RAB8B: variants seen among roughly 807,000 people sequenced by gnomAD.
RAB8B encodes the protein ras-related protein Rab-8B.
Under a neutral mutation model 32.0 loss-of-function variants are expected in RAB8B, and 11 were observed. The ratio of observed to expected loss-of-function variants is 0.34; its 90% CI spans 0.22 to 0.57. The LOEUF (loss-of-function observed/expected upper bound fraction) is 0.57. RAB8B is among the 20% of genes least tolerant of loss of function. The pLI is 0.86. For synonymous variants in RAB8B, 103 were observed against 89.6 expected, an observed-to-expected ratio of 1.15 and a Z score of -0.85; for missense variants, 190 against 258.5, an observed-to-expected ratio of 0.73 and a Z score of 1.82.
chr15:63,225,975 C>T (rs978548741), intron 1 of RAB8B, among the ~76,000 whole-genome samples: 3 of 151,948 alleles, frequency 2.0e-5, no homozygotes, highest in African/African-American at 7.3e-5. Context: ...TCAGTAGCTG[C>T]GACTACAGGT....
At position 63,248,280 on chromosome 15, in the gene RAB8B, G is replaced by A. The variant is rs1208110138; in HGVS notation, c.186-1365G>A. 1.3e-5 allele frequency among the ~76,000 whole-genome samples: 2 copies of A among 152,192 alleles called. No individual in the cohort carries two copies. Among genetic ancestry groups the A allele is most frequent in the South Asian group, 2.1e-4 (1 of 4,832 alleles). On this transcript the variant is annotated intron_variant, in intron 2 of 7. Coordinates refer to ENST00000321437, the MANE Select transcript of RAB8B (RefSeq NM_016530.3). The surrounding 1 kb of genome is among the most constrained non-coding windows in gnomAD (Gnocchi z 4.4). ...TGTAATGCCAGCACGTTGGGAGGCC[G>A]AGGCGGGTAGATCACAAGGTCAGGA...
intron 1 of RAB8B, among the ~76,000 whole-genome samples, chr15:63,196,746 T>C (rs960433721): frequency 9.2e-5 from 14 of 152,228 alleles, no homozygotes; most frequent in African/African-American, 3.4e-4. Context: ...AGTGTTTAAT[T>C]TGGACTCTTA....
chr15:63,212,159 C>A (rs1025361378), intron 1 of RAB8B, among the ~76,000 whole-genome samples: 1 of 152,098 alleles, frequency 6.6e-6, no homozygotes, highest in Non-Finnish European at 1.5e-5. Flanking sequence ...CTACACAGTG[C>A]GTTGTAGTCT....
intron 3 of RAB8B, among the ~76,000 whole-genome samples, chr15:63,253,694 C>G (rs2038135729): frequency 6.6e-6 from 1 of 152,028 alleles, no homozygotes; most frequent in Non-Finnish European, 1.5e-5. Context: ...TGAAATTAAT[C>G]AGGGAAATCA....
rs1265265964 is a variant in RAB8B, at chr15:63,259,624, C to T, written c.415-3C>T. 6.2e-7 allele frequency: 1 copy of T among 1,611,346 alleles called. No homozygotes were observed. Among genetic ancestry groups the T allele is most frequent in the African/African-American group, 1.3e-5 (1 of 74,848 alleles). The stretch of plus-strand genomic sequence containing the variant: ...AATTTAAATATTTCTGTTTACTTTT[C>T]AGCTAGCAATTGACTATGGGATTAA... On this transcript the variant is annotated splice_polypyrimidine_tract_variant and splice_region_variant and intron_variant, in intron 5 of 7. Transcript: ENST00000321437. The surrounding 1 kb of genome is among the most constrained non-coding windows in gnomAD (Gnocchi z 4.4).
At chr15:63,260,671 A>G (rs1240058736) in intron 6 of RAB8B, among the ~76,000 whole-genome samples, 1 of 152,046 alleles carries the variant, frequency 6.6e-6, no homozygotes, top group Non-Finnish European at 1.5e-5. Flanking sequence ...GTATCCCAGA[A>G]CTTAAAGTGT....
intron 1 of RAB8B, among the ~76,000 whole-genome samples, chr15:63,205,069 A>T (rs2037687068): frequency 6.6e-6 from 1 of 152,138 alleles, no homozygotes; most frequent in South Asian, 2.1e-4. Context: ...AGGCCGAGGC[A>T]GGCGGATCAC....
intron 1 of RAB8B, among the ~76,000 whole-genome samples, chr15:63,230,171 G>A (rs2037924189): frequency 2.0e-5 from 3 of 152,148 alleles, no homozygotes; most frequent in South Asian, 2.1e-4. Context: ...TGAGCTGTAA[G>A]TGCTGCTTAA....
intron 1 of RAB8B, among the ~76,000 whole-genome samples, chr15:63,229,046 C>T (rs985009850): frequency 2.0e-5 from 3 of 152,104 alleles, no homozygotes; most frequent in South Asian, 2.1e-4. Flanking sequence ...TATTTTGCCA[C>T]GTTTATAACA....
chr15:63,192,144 T>A (rs2037560638), intron 1 of RAB8B, among the ~76,000 whole-genome samples: 1 of 152,220 alleles, frequency 6.6e-6, no homozygotes, highest in Non-Finnish European at 1.5e-5. Flanking sequence ...CCATACCTCT[T>A]ATTTAGCCCC....
At chr15:63,253,638 G>A (rs983780656) in intron 3 of RAB8B, among the ~76,000 whole-genome samples, 2 of 151,726 alleles carry the variant, frequency 1.3e-5, no homozygotes, top group Admixed American at 6.6e-5. Context: ...GCAACATAGC[G>A]AGACCTCATC....
chr15:63,212,833 C>T (rs2037759392), intron 1 of RAB8B, among the ~76,000 whole-genome samples: 2 of 152,224 alleles, frequency 1.3e-5, no homozygotes, highest in South Asian at 2.1e-4. Context: ...CACAGATGTC[C>T]GTATGTGATT....
intron 1 of RAB8B, among the ~76,000 whole-genome samples, chr15:63,194,989 A>G (rs2037588463): frequency 6.6e-6 from 1 of 152,256 alleles, no homozygotes; most frequent in South Asian, 2.1e-4. Context: ...TTATTGACTG[A>G]AAAACAAACT....
chr15:63,193,709 G>C (rs1053945565), intron 1 of RAB8B, among the ~76,000 whole-genome samples: 7 of 152,112 alleles, frequency 4.6e-5, no homozygotes, highest in African/African-American at 1.7e-4. Flanking sequence ...TACTTGGGAG[G>C]CTGAGGCAGG....
At chr15:63,226,930 C>A (rs917866895) in intron 1 of RAB8B, among the ~76,000 whole-genome samples, 6 of 151,942 alleles carry the variant, frequency 3.9e-5, no homozygotes, top group African/African-American at 1.5e-4. Context: ...TTCATGCCTC[C>A]CCTTTTTAGG....
intron 1 of RAB8B, among the ~76,000 whole-genome samples, chr15:63,204,659 A>G (rs889003396): frequency 1.3e-5 from 2 of 152,206 alleles, no homozygotes; most frequent in East Asian, 1.9e-4. Context: ...AAATTACCCA[A>G]CTTGAAAGTT....
At chr15:63,235,669 ATATAC>A (rs575570527) in intron 1 of RAB8B, among the ~76,000 whole-genome samples, 117 of 149,816 alleles carry the variant, frequency 7.8e-4, no homozygotes, top group African/African-American at 2.8e-3. Context: ...ATATATAAAA[ATATAC>A]TATATATATT....
Position 63,265,104 on chromosome 15 carries a change from C to T in RAB8B, c.*1485C>T, listed in dbSNP as rs530839824. The T allele has an allele frequency of 2.0e-5, 3 of 152,714 alleles. No individual in the cohort carries two copies. In the South Asian group the frequency reaches 6.2e-4, roughly 32 times the overall value. 9.5% of individuals were successfully genotyped at this position (152,714 alleles called of 1,614,324 possible). On this transcript the variant is annotated 3_prime_UTR_variant, in exon 8 of 8. Transcript: ENST00000321437. This position sits in a 1 kb window ranked among gnomAD's most constrained non-coding sequence, Gnocchi z 4.9. ...ACAGAGGGGATGAGGGAAATGAATT[C>T]TGTTAATAATTATTCTTCCTGGTAT...
intron 1 of RAB8B, among the ~76,000 whole-genome samples, chr15:63,237,696 T>G (rs1418108281): frequency 6.6e-6 from 1 of 152,340 alleles, no homozygotes; most frequent in South Asian, 2.1e-4. Context: ...CTCTTCACTT[T>G]GCTCATTGTT....
Sources: allele counts gnomAD v4.1 joint callset (sites outside exome capture counted in the v4.1 genomes callset), GRCh38; gene constraint gnomAD v4.1.1; non-coding constraint Gnocchi (gnomAD v3.1); transcripts MANE v1.5; gene names NCBI Gene and HGNC (gene_info 2026-07-23, HGNC 2026-07-21).